STAB2: variants seen among roughly 807,000 people sequenced by gnomAD.
The protein encoded by STAB2 is stabilin-2.
STAB2 carries 288 observed loss-of-function variants against 338.1 expected under a neutral mutation model. The observed-to-expected ratio is 0.85, with a 90% CI of 0.77 to 0.94. The LOEUF (loss-of-function observed/expected upper bound fraction) is 0.94, where lower values mean the gene tolerates loss of function less well. Among genes scored for constraint, STAB2 ranks in the 40% least tolerant of loss-of-function variants. The pLI is 0.00. For synonymous variants in STAB2, 1,202 were observed against 1,193.3 expected (o/e 1.01, Z -0.15); for missense variants, 3,141 against 3,210.1 (o/e 0.98, Z 0.52).
chr12:103,695,291 G>A lies in STAB2; in HGVS notation c.3376-259G>A, dbSNP rs76865406. On this transcript the variant is annotated intron_variant, in intron 31 of 68. Transcript: ENST00000388887. ...ACTTAGGAGAAGCTGAAAGTCTTTCGTGCAAGAAGAACTTTTCTCTAATCA... is the reference window on the plus strand; with the variant it reads ...ACTTAGGAGAAGCTGAAAGTCTTTCATGCAAGAAGAACTTTTCTCTAATCA... Among the ~76,000 whole-genome samples, 10 of 152,198 alleles carry A rather than the reference G, an allele frequency of 6.6e-5. No individual in the cohort carries two copies. In the East Asian group the frequency reaches 9.6e-4, roughly 15 times the overall value.
chr12:103,644,749 A>G (rs1405935396), intron 9 of STAB2, among the ~76,000 whole-genome samples: 2 of 152,190 alleles, frequency 1.3e-5, no homozygotes, highest in African/African-American at 4.8e-5. Context: ...TGATAACACA[A>G]CAGGGTGACT....
At chr12:103,740,032 C>A (rs1314744805) in intron 54 of STAB2, among the ~76,000 whole-genome samples, 1 of 152,138 alleles carries the variant, frequency 6.6e-6, no homozygotes, top group Non-Finnish European at 1.5e-5. Flanking sequence ...TAATCTTTGA[C>A]AAATCTTATG....
intron 68 of STAB2, among the ~76,000 whole-genome samples, chr12:103,764,789 C>T (rs548036309): frequency 2.6e-5 from 4 of 152,076 alleles, no homozygotes; most frequent in Non-Finnish European, 5.9e-5. Flanking sequence ...GTAAAGGCTT[C>T]TGGTTCACAT....
intron 44 of STAB2, among the ~76,000 whole-genome samples, chr12:103,719,717 C>G (rs115879871): frequency 0.039 from 5,971 of 152,302 alleles, 186 homozygotes; most frequent in African/African-American, 0.079. Context: ...TGTAAAGACT[C>G]TTTTTCTAAA....
chr12:103,619,793 A>C (rs945152402), intron 3 of STAB2, among the ~76,000 whole-genome samples: 1 of 144,750 alleles, frequency 6.9e-6, no homozygotes, highest in Non-Finnish European at 1.5e-5. Context: ...CCAGCTCCCA[A>C]GTCCCCAGCC....
In STAB2 at chr12:103,722,328, G is replaced by GTGAT. The variant is rs535911423; in HGVS notation, c.4684-2644_4684-2641dup. ...AAGAGAAGAAAATGTTTCAAGAGGAGTGATTGTACAGGCAAAGGATGTTGA... is the reference window on the plus strand; with the variant it reads ...AAGAGAAGAAAATGTTTCAAGAGGAGTGATTGATTGTACAGGCAAAGGATGTTGA... On this transcript the variant is annotated intron_variant, in intron 44 of 68. Transcript: ENST00000388887. Among the ~76,000 whole-genome samples the GTGAT allele has an allele frequency of 4.8e-4, 73 of 152,312 alleles. No individual in the cohort carries two copies. In the South Asian group the frequency reaches 7.7e-3, roughly 16 times the overall value.
intron 9 of STAB2, among the ~76,000 whole-genome samples, chr12:103,648,143 T>C (rs553314257): frequency 1.3e-5 from 2 of 152,282 alleles, no homozygotes; most frequent in South Asian, 4.1e-4. Context: ...TGTGGTTTCA[T>C]GAGAGTATAT....
intron 64 of STAB2, 60 bp downstream of exon 64, chr12:103,758,349 T>C (rs567644160): frequency 3.9e-5 from 63 of 1,598,920 alleles, no homozygotes; most frequent in Non-Finnish European, 5.0e-5. Flanking sequence ...ACCACAACAA[T>C]GCTGTGTCAC....
At chr12:103,757,109 AAG>A (rs1318759054) in intron 63 of STAB2, among the ~76,000 whole-genome samples, 1 of 150,586 alleles carries the variant, frequency 6.6e-6, no homozygotes, top group Non-Finnish European at 1.5e-5. Flanking sequence ...TTGTTTTCTT[AAG>A]AGAGTCTTGT....
chr12:103,726,088 A>G (rs1054990198), intron 45 of STAB2, 28 bp from the exon 46 acceptor site: 1 of 1,612,946 alleles, frequency 6.2e-7, no homozygotes, highest in East Asian at 2.2e-5. Flanking sequence ...TTTCACAGGC[A>G]TTAAGTGAAA....
At chr12:103,747,126 T>G (rs186427201) in intron 58 of STAB2, among the ~76,000 whole-genome samples, 63 of 152,102 alleles carry the variant, frequency 4.1e-4, no homozygotes, top group African/African-American at 1.4e-3. Flanking sequence ...CTGGCTAACT[T>G]TAGAGTGTTT....
intron 30 of STAB2, among the ~76,000 whole-genome samples, chr12:103,692,101 A>G (rs1877985325): frequency 6.6e-6 from 1 of 152,250 alleles, no homozygotes; most frequent in African/African-American, 2.4e-5. Context: ...TCTGAAGGCC[A>G]GAAGTCCAAG....
chr12:103,612,009 T>G (rs928322978), intron 3 of STAB2, among the ~76,000 whole-genome samples: 1 of 152,220 alleles, frequency 6.6e-6, no homozygotes, highest in Non-Finnish European at 1.5e-5. Flanking sequence ...ATGTTGAATA[T>G]TGTCCCCCAC....
chr12:103,634,327 A>C (rs904815349), intron 6 of STAB2, among the ~76,000 whole-genome samples: 4 of 152,190 alleles, frequency 2.6e-5, no homozygotes, highest in Admixed American at 6.5e-5. Flanking sequence ...TTTCAACATG[A>C]GGTCGCACTA....
intron 63 of STAB2, 73 bp downstream of exon 63, chr12:103,755,791 G>A: frequency 7.0e-7 from 1 of 1,424,736 alleles, no homozygotes; most frequent in East Asian, 2.3e-5. Flanking sequence ...GAGGGGTGAG[G>A]CCTTAAGCTG....
At position 103,640,171 on chromosome 12, in the gene STAB2, G is replaced by A; in HGVS notation, c.955G>A (p.Gly319Arg). Reference protein sequence around the residue: ...EHYQNFVPGVGCSMTDICKSD... With the variant: ...EHYQNFVPGVRCSMTDICKSD... The stretch of plus-strand genomic sequence containing the variant: ...TTACCAGAATTTCGTACCTGGAGTG[G>A]GGTGCAGTATGACTGATATATGTAA... The change falls in exon 9 of 69, where the codon GGG (glycine) becomes AGG (arginine). Residue 319 changes from glycine (G) to arginine (R), a missense_variant. Gly to Arg is a moderately radical substitution (Grantham distance 125). Transcript: ENST00000388887. 1 of 1,613,550 alleles carries A rather than the reference G, an allele frequency of 6.2e-7. No homozygotes were observed. The highest frequency in any genetic ancestry group is 8.5e-7 in the Non-Finnish European group (1 of 1,179,626).
chr12:103,670,805 AAAGT>A lies in STAB2; in HGVS notation c.2371+3_2371+6del. On this transcript the variant is annotated splice_donor_variant and coding_sequence_variant, in exon 22 of 69. Transcript: ENST00000388887. LOFTEE classifies it high-confidence loss of function. ...AATAAATACGGACCTCGGTGTAACAAAAGTAAGTGGCACTTCCAGAGCTTCCTTC... is the reference window on the plus strand; with the variant it reads ...AATAAATACGGACCTCGGTGTAACAAAAGTGGCACTTCCAGAGCTTCCTTC... 6.2e-7 allele frequency: 1 copy of A among 1,613,072 alleles called. No homozygotes were observed. The highest frequency in any genetic ancestry group is 8.5e-7 in the Non-Finnish European group (1 of 1,179,352).
At position 103,690,022 on chromosome 12, in the gene STAB2, G is replaced by A. The variant is rs577585164; in HGVS notation, c.3182+40G>A. 9.4e-6 allele frequency: 15 copies of A among 1,599,996 alleles called. No individual in the cohort carries two copies. In the East Asian group the frequency reaches 2.5e-4, roughly 26 times the overall value. The stretch of plus-strand genomic sequence containing the variant: ...TTTTATTTTACATCGTATCTGAATG[G>A]CATCTGTGTAAACATGTCTTTGAAG... On this transcript the variant is annotated intron_variant, in intron 29 of 68. Transcript: ENST00000388887.
At position 103,677,622 on chromosome 12, in the gene STAB2, T is replaced by C; in HGVS notation, c.2805+11T>C. 6.2e-7 allele frequency: 1 copy of C among 1,605,388 alleles called. No homozygotes were observed. Among genetic ancestry groups the C allele is most frequent in the Non-Finnish European group, 8.5e-7 (1 of 1,172,690 alleles). ...GTGGGTCCCGGGCAGGTAGGTTGGATGTCATGAGAGCAAAGAGAAAGCAGG... is the reference window on the plus strand; with the variant it reads ...GTGGGTCCCGGGCAGGTAGGTTGGACGTCATGAGAGCAAAGAGAAAGCAGG... On this transcript the variant is annotated intron_variant, in intron 25 of 68. Transcript: ENST00000388887.
Sources: gnomAD v4.1 joint callset for allele counts (sites outside exome capture counted in the v4.1 genomes callset) on GRCh38, gnomAD v4.1.1 for gene constraint, MANE v1.5 for transcripts, NCBI Gene and HGNC (gene_info 2026-07-23, HGNC 2026-07-21) for gene names.